SGCZ: variants seen among roughly 807,000 people sequenced by gnomAD.
SGCZ encodes the protein zeta-sarcoglycan.
SGCZ carries 40 observed loss-of-function variants against 41.3 expected under a neutral mutation model. That is an observed-to-expected ratio of 0.97 (90% confidence interval 0.75 to 1.26). The LOEUF (loss-of-function observed/expected upper bound fraction) is 1.26. SGCZ is among the 50% of genes most tolerant of loss of function. SGCZ has a pLI of 0.00. For synonymous variants in SGCZ, 206 were observed against 137.5 expected (o/e 1.50, Z -3.49); for missense variants, 552 against 369.8 (o/e 1.49, Z -4.04).
intron 1 of SGCZ, among the ~76,000 whole-genome samples, chr8:15,039,778 G>C (rs754988580): frequency 1.6e-4 from 25 of 152,088 alleles, no homozygotes; most frequent in Non-Finnish European, 2.8e-4. Flanking sequence ...ATTTCCTTGA[G>C]AACCAGGAAT....
intron 2 of SGCZ, among the ~76,000 whole-genome samples, chr8:14,519,308 C>T (rs1585624151): frequency 6.6e-6 from 1 of 151,956 alleles, no homozygotes; most frequent in East Asian, 1.9e-4. Context: ...GATCTATTTT[C>T]AGCAGAGCAG....
intron 1 of SGCZ, among the ~76,000 whole-genome samples, chr8:15,062,145 T>C (rs1804962026): frequency 6.6e-6 from 1 of 152,132 alleles, no homozygotes; most frequent in Admixed American, 6.5e-5. Flanking sequence ...TTTTCATATG[T>C]GATCATTTCA....
intron 1 of SGCZ, among the ~76,000 whole-genome samples, chr8:15,029,345 T>C (rs998960136): frequency 5.3e-5 from 8 of 152,042 alleles, no homozygotes; most frequent in Non-Finnish European, 1.0e-4. Flanking sequence ...TAGAATGATA[T>C]TGCATTTGGG....
At chr8:14,864,928 T>C (rs1585329607) in intron 1 of SGCZ, among the ~76,000 whole-genome samples, 1 of 152,088 alleles carries the variant, frequency 6.6e-6, no homozygotes, top group Non-Finnish European at 1.5e-5. Flanking sequence ...GTTGGTGATG[T>C]TGAGCATTTT....
intron 1 of SGCZ, among the ~76,000 whole-genome samples, chr8:15,091,498 G>A (rs1806151938): frequency 6.6e-6 from 1 of 152,058 alleles, no homozygotes; most frequent in Admixed American, 6.6e-5. Context: ...CATGCCTTAG[G>A]CTTGAGAGAT....
rs566715941 is a variant in SGCZ at position 14,087,601 on chromosome 8, A to T, written c.*2842T>A. On this transcript the variant is annotated 3_prime_UTR_variant, in exon 8 of 8. Coordinates refer to ENST00000382080, the MANE Select transcript of SGCZ (RefSeq NM_139167.4). ...TTTTTCTCAGTGTCATTTGGGGAAG[A>T]TGAAATTTATATAAGTAAACTGCAT... Among the ~76,000 whole-genome samples the T allele has an allele frequency of 6.0e-4, 91 of 151,772 alleles. No homozygotes were observed. The highest frequency in any genetic ancestry group is 2.1e-3 in the African/African-American group (89 of 41,488).
At chr8:14,547,966 A>G (rs2117169444) in intron 2 of SGCZ, among the ~76,000 whole-genome samples, 1 of 152,338 alleles carries the variant, frequency 6.6e-6, no homozygotes, top group Middle Eastern at 3.4e-3. Context: ...TAACAGAAAG[A>G]GTAAATTTCA....
intron 1 of SGCZ, among the ~76,000 whole-genome samples, chr8:14,609,034 T>C (rs946143520): frequency 2.0e-5 from 3 of 152,212 alleles, no homozygotes; most frequent in South Asian, 4.1e-4. Flanking sequence ...TGCTCTTTCA[T>C]GTGTTTTGCA....
intron 1 of SGCZ, among the ~76,000 whole-genome samples, chr8:14,624,636 T>C (rs1332910122): frequency 2.1e-5 from 3 of 144,678 alleles, no homozygotes; most frequent in Non-Finnish European, 4.5e-5. Flanking sequence ...AGTTGTGTGA[T>C]CTCGGCTCAC....
At chr8:14,558,247 T>G (rs1804093135) in intron 1 of SGCZ, among the ~76,000 whole-genome samples, 1 of 152,090 alleles carries the variant, frequency 6.6e-6, no homozygotes, top group Non-Finnish European at 1.5e-5. Flanking sequence ...AAAGAAGAAT[T>G]GGTATCAATC....
At chr8:14,496,302 C>T (rs1801986902) in intron 2 of SGCZ, among the ~76,000 whole-genome samples, 1 of 152,016 alleles carries the variant, frequency 6.6e-6, no homozygotes, top group Non-Finnish European at 1.5e-5. Flanking sequence ...TTCTTGGCTT[C>T]TTGTATTCTT....
chr8:15,041,276 T>G (rs1215058535), intron 1 of SGCZ, among the ~76,000 whole-genome samples: 2 of 151,970 alleles, frequency 1.3e-5, no homozygotes, highest in Admixed American at 1.3e-4. Context: ...TCAGTATGTT[T>G]ATGAATATTT....
intron 1 of SGCZ, among the ~76,000 whole-genome samples, chr8:15,177,067 G>C (rs1800021587): frequency 6.6e-6 from 1 of 152,174 alleles, no homozygotes; most frequent in South Asian, 2.1e-4. Flanking sequence ...CTTTTTTAAT[G>C]TGTGAGCATT....
intron 1 of SGCZ, among the ~76,000 whole-genome samples, chr8:14,840,815 C>T (rs1001866944): frequency 1.3e-5 from 2 of 152,006 alleles, no homozygotes; most frequent in African/African-American, 4.8e-5. Flanking sequence ...ACTTTTTAAC[C>T]TCTTATGAGA....
intron 1 of SGCZ, among the ~76,000 whole-genome samples, chr8:14,676,070 T>C (rs150205504): frequency 6.6e-6 from 1 of 152,296 alleles, no homozygotes; most frequent in African/African-American, 2.4e-5. Context: ...AGGAATGAAG[T>C]GGGAGGAATA....
intron 1 of SGCZ, among the ~76,000 whole-genome samples, chr8:15,080,169 C>G (rs986571915): frequency 6.6e-6 from 1 of 152,078 alleles, no homozygotes; most frequent in Non-Finnish European, 1.5e-5. Flanking sequence ...TGACTTCTGG[C>G]CTTGTTCCAG....
intron 1 of SGCZ, among the ~76,000 whole-genome samples, chr8:14,704,820 CA>C (rs1453612072): frequency 6.6e-6 from 1 of 151,920 alleles, no homozygotes; most frequent in Non-Finnish European, 1.5e-5. Context: ...AACAACAAAA[CA>C]CTTCTTAGGG....
chr8:14,732,846 C>T lies in SGCZ; in HGVS notation c.40-177920G>A, dbSNP rs369413057. 4.6e-5 allele frequency among the ~76,000 whole-genome samples: 7 copies of T among 152,214 alleles called. No homozygotes were observed. The East Asian group carries it at 7.7e-4, about 17-fold the overall frequency. On this transcript the variant is annotated intron_variant, in intron 1 of 7. Coordinates refer to ENST00000382080, the MANE Select transcript of SGCZ (RefSeq NM_139167.4). ...AAAAAGACATAACTATGTACCACAT[C>T]GTCTTTTATACCAACAGTATAATGA...
chr8:14,325,851 C>G (rs1014687063), intron 2 of SGCZ, among the ~76,000 whole-genome samples: 1 of 144,986 alleles, frequency 6.9e-6, no homozygotes. Flanking sequence ...TGGCTCATGC[C>G]TGTAAAATCC....
Sources: gnomAD v4.1 joint callset for allele counts (sites outside exome capture counted in the v4.1 genomes callset) on GRCh38, gnomAD v4.1.1 for gene constraint, MANE v1.5 for transcripts, NCBI Gene and HGNC (gene_info 2026-07-23, HGNC 2026-07-21) for gene names.